The following MACF1 variants were observed in gnomAD, a reference collection of about 807,000 sequenced individuals.
MACF1 encodes the protein microtubule actin crosslinking factor 1, also known as microtubule-actin cross-linking factor 1.
Under a neutral mutation model 854.8 loss-of-function variants are expected in MACF1, and 193 were observed. That is an observed-to-expected ratio of 0.23 (90% CI 0.20 to 0.25). The LOEUF is 0.25. Among genes scored for constraint, MACF1 ranks in the 10% least tolerant of loss-of-function variants. The pLI, the probability that MACF1 is intolerant of heterozygous loss-of-function variation, is 1.00. For synonymous variants in MACF1, 3,185 were observed against 3,226.7 expected (o/e 0.99, Z 0.44); for missense variants, 7,722 against 8,929.1 (o/e 0.86, Z 5.45).
At chr1:39,382,298 C>T in intron 56 of MACF1, 146 bp downstream of exon 56, 2 of 718,880 alleles carry the variant, frequency 2.8e-6, no homozygotes, top group South Asian at 1.9e-5. Context: ...AGGTGTTAAT[C>T]ATGGTGCCTG....
chr1:39,193,093 CAA>C (rs1191386710), intron 2 of MACF1, among the ~76,000 whole-genome samples: 1 of 151,132 alleles, frequency 6.6e-6, no homozygotes, highest in Non-Finnish European at 1.5e-5. Flanking sequence ...GTCTGGGCAA[CAA>C]GAGTGAAATT....
rs764951315 is a variant in MACF1, at chr1:39,371,319, CAAAAAAAAAAAAA to C, written c.13095+1142_13096-1139del. ...GGTGATAGAGAGTGAGACTCTGTCT[CAAAAAAAAAAAAA>C]AAAAAAAAGAGTGATTAATTAAAGA... On this transcript the variant is annotated intron_variant, in intron 51 of 100. Coordinates refer to ENST00000564288, the MANE Select transcript of MACF1 (RefSeq NM_001394062.1). 2.2e-4 allele frequency among the ~76,000 whole-genome samples: 18 copies of C among 81,296 alleles called. 1 individual carries two copies. The highest frequency in any genetic ancestry group is 2.3e-4 in the Non-Finnish European group (9 of 38,746). The allele number at this position is 81,296 out of a possible 152,430, so 53.3% of individuals were successfully genotyped here. A position where few individuals can be genotyped will look rare whatever the true frequency, so the allele number is the denominator to read the frequency against.
rs59393084 is a variant in MACF1 at position 39,461,791 on chromosome 1, C to CAAAAA, written c.21524-69_21524-65dup. 5.4e-5 allele frequency: 19 copies of CAAAAA among 350,910 alleles called. No homozygotes were observed. In the African/African-American group the frequency reaches 8.5e-4, roughly 16 times the overall value. The allele number at this position is 350,910 out of a possible 1,614,324, so 21.7% of individuals were successfully genotyped here. ...TGGGCGACAGAGCAAGACCTTGTCT[C>CAAAAA]AAAAAAAAAAAAAAAAAAAAAAAAA... On this transcript the variant is annotated intron_variant, in intron 92 of 100. Transcript: ENST00000564288.
At position 39,359,175 on chromosome 1, in the gene MACF1, C is replaced by G. The variant is rs1187483846; in HGVS notation, c.12155C>G (p.Pro4052Arg). 1 of 1,613,908 alleles carries G rather than the reference C, an allele frequency of 6.2e-7. No homozygotes were observed. Among genetic ancestry groups the G allele is most frequent in the African/African-American group, 1.3e-5 (1 of 74,874 alleles). ...GAGGAATTGGCTGAGCACCAAGTAC[C>G]TGTGGAAAAACTCCAAAAAGTAGCT... The part of the protein sequence containing the change: ...LQEELAEHQV[P>R]VEKLQKVARD... Residue 4052 changes from proline to arginine, a missense_variant, in exon 47 of 101, where the codon CCT becomes CGT. Transcript: ENST00000564288.
At position 39,357,599 on chromosome 1, in the gene MACF1, G is replaced by T. The variant is rs201528133; in HGVS notation, c.11649G>T (p.Leu3883=). The T allele has an allele frequency of 6.8e-6, 11 of 1,614,160 alleles. No individual in the cohort carries two copies. The highest frequency in any genetic ancestry group is 1.3e-5 in the African/African-American group (1 of 75,028). The part of the protein sequence containing the change: ...QTLQDELQKF[L]QDHKEFESWL... ...TTCAGGATGAGTTGCAGAAATTTCT[G>T]CAGGATCATAAAGAGTTTGAAAGCT... is the stretch of plus-strand genomic sequence containing the variant. Residue 3883 remains leucine, a synonymous_variant, in exon 45 of 101, where the codon CTG becomes CTT. Coordinates refer to ENST00000564288, the MANE Select transcript of MACF1 (RefSeq NM_001394062.1).
Position 39,332,675 on chromosome 1 carries a change from A to C in MACF1, c.6087A>C (p.Gly2029=). The C allele has an allele frequency of 1.2e-6, 2 of 1,614,146 alleles. No homozygotes were observed. Among genetic ancestry groups the C allele is most frequent in the Non-Finnish European group, 1.7e-6 (2 of 1,180,008 alleles). The stretch of plus-strand genomic sequence containing the variant: ...AATCAGCTAATGTGAAAATCTCAGG[A>C]ACTTTCAGCAGTGGGTGGACTGTGA... ...LQESANVKIS[G]TFSSGWTVRL... is the part of the protein sequence containing the mutation. The change falls in exon 37 of 101, where the codon GGA becomes GGC. Residue 2029 remains glycine (G), a synonymous_variant. Coordinates refer to ENST00000564288, the MANE Select transcript of MACF1 (RefSeq NM_001394062.1).
Position 39,084,384 on chromosome 1 carries a change from A to G in MACF1, c.166A>G (p.Lys56Glu). The change falls in exon 2 of 94, where the codon AAA becomes GAA. Residue 56 changes from lysine to glutamate, a missense_variant. Physicochemically the swap from Lys to Glu is moderately conservative, Grantham distance 56. Transcript: ENST00000361689. This position sits in a 1 kb window ranked among gnomAD's most constrained non-coding sequence, Gnocchi z 5.2. ...GCCACTGCATGAGCAGAAAAAGCGG[A>G]AAAGCCAGGATTCGGTGCTGGACCC... The G allele has an allele frequency of 1.9e-6, 3 of 1,613,370 alleles. No homozygotes were observed. The highest frequency in any genetic ancestry group is 2.5e-6 in the Non-Finnish European group (3 of 1,180,018).
intron 2 of MACF1, among the ~76,000 whole-genome samples, chr1:39,187,659 A>G (rs1259545404): frequency 1.3e-5 from 2 of 152,190 alleles, no homozygotes; most frequent in South Asian, 2.1e-4. Flanking sequence ...TTTGATTAAG[A>G]GTTTGAGTAT....
intron 92 of MACF1, among the ~76,000 whole-genome samples, 193 bp from the exon 93 acceptor site, chr1:39,461,690 G>A (rs1644557254): frequency 1.3e-5 from 2 of 150,816 alleles, no homozygotes; most frequent in South Asian, 2.1e-4. Context: ...TACTCTGGAA[G>A]CTGAGGCAGG....
chr1:39,221,193 C>A (rs551658414), intron 1 of MACF1, among the ~76,000 whole-genome samples: 10 of 152,120 alleles, frequency 6.6e-5, no homozygotes, highest in African/African-American at 2.4e-4. Flanking sequence ...GAGACCAGTT[C>A]TTTATCTTCT....
intron 1 of MACF1, among the ~76,000 whole-genome samples, chr1:39,214,037 T>C (rs1184378368): frequency 1.3e-5 from 2 of 152,156 alleles, no homozygotes; most frequent in East Asian, 1.9e-4. Flanking sequence ...CTTTTTTTCA[T>C]TTGTAGTCGT....
intron 58 of MACF1, chr1:39,411,027 C>A: frequency 6.2e-7 from 1 of 1,614,008 alleles, no homozygotes; most frequent in Non-Finnish European, 8.5e-7. Flanking sequence ...AATCCAGATT[C>A]TCAAGTGCAA....
intron 58 of MACF1, among the ~76,000 whole-genome samples, chr1:39,418,616 AC>A (rs1210705629): frequency 5.3e-5 from 8 of 152,278 alleles, no homozygotes; most frequent in African/African-American, 1.9e-4. Context: ...TAATCCTAGC[AC>A]TTTGGAAGGC....
chr1:39,414,494 A>G, intron 58 of MACF1: 2 of 1,613,924 alleles, frequency 1.2e-6, no homozygotes, highest in Admixed American at 1.7e-5. Context: ...GTCCATTTTG[A>G]TTCTGGGAAG....
At chr1:39,100,386 GC>G (rs1000931436) in intron 2 of MACF1, among the ~76,000 whole-genome samples, 12 of 152,182 alleles carry the variant, frequency 7.9e-5, no homozygotes, top group Middle Eastern at 3.2e-3. Flanking sequence ...TTGGAGATCA[GC>G]CTGAAAAGGA....
At chr1:39,386,913 AATTTATT>A (rs2148566912) in intron 57 of MACF1, among the ~76,000 whole-genome samples, 1 of 152,240 alleles carries the variant, frequency 6.6e-6, no homozygotes, top group African/African-American at 2.4e-5. Context: ...TTGTGCCATT[AATTTATT>A]ATTTATTTTT....
chr1:39,334,603 T>C lies in MACF1; in HGVS notation c.8015T>C (p.Leu2672Pro), dbSNP rs1646780257. ...CTTACATTGTCTCAAGCAATTCAGC[T>C]TGGAAAAGTAGACTTTGCATCTACG... ...KVLTLSQAIQ[L>P]GKVDFASTLK... Residue 2672 changes from leucine to proline, a missense_variant, in exon 37 of 101, where the codon CTT becomes CCT. Leu to Pro is a moderately conservative substitution (Grantham distance 98, BLOSUM62 -3). Transcript: ENST00000564288. 1 of 1,614,108 alleles carries C rather than the reference T, an allele frequency of 6.2e-7. No individual in the cohort carries two copies. Among genetic ancestry groups the C allele is most frequent in the Non-Finnish European group, 8.5e-7 (1 of 1,180,016 alleles).
Position 39,442,457 on chromosome 1 carries a change from G to T in MACF1, c.18994G>T (p.Ala6332Ser), listed in dbSNP as rs766841607. ...ALLALGQFQH[A>S]LEELMSWLTH... ...GTTGGCCCTTGGTCAGTTCCAGCAT[G>T]CCTTAGAGGAACTAATGAGTTGGCT... The change falls in exon 77 of 101, where the codon GCC becomes TCC. Residue 6332 changes from alanine to serine, a missense_variant. Ala to Ser is a moderately conservative substitution (Grantham distance 99). Coordinates refer to ENST00000564288, the MANE Select transcript of MACF1 (RefSeq NM_001394062.1). The T allele has an allele frequency of 1.2e-6, 2 of 1,614,224 alleles. No homozygotes were observed. Among genetic ancestry groups the T allele is most frequent in the Non-Finnish European group, 1.7e-6 (2 of 1,180,038 alleles).
rs986358180 is a variant in MACF1, at chr1:39,359,121, T to C, written c.12121-20T>C. ...TGATTACTTAGATGTTTTTCTTTTGTTTTTTTCATGGACAAGCAGCAGTTG... is the reference window on the plus strand; with the variant it reads ...TGATTACTTAGATGTTTTTCTTTTGCTTTTTTCATGGACAAGCAGCAGTTG... On this transcript the variant is annotated intron_variant, in intron 46 of 100. Transcript: ENST00000564288. The C allele has an allele frequency of 6.2e-7, 1 of 1,613,354 alleles. No individual in the cohort carries two copies. Among genetic ancestry groups the C allele is most frequent in the African/African-American group, 1.3e-5 (1 of 74,788 alleles).
Sources: allele counts gnomAD v4.1 joint callset (sites outside exome capture counted in the v4.1 genomes callset), GRCh38; gene constraint gnomAD v4.1.1; non-coding constraint Gnocchi (gnomAD v3.1); transcripts MANE v1.5; gene names NCBI Gene and HGNC (gene_info 2026-07-23, HGNC 2026-07-21).